The following MAPRE3 variants were observed in gnomAD, a reference collection of about 807,000 sequenced individuals.
MAPRE3 encodes microtubule-associated protein RP/EB family member 3.
In MAPRE3, 2 loss-of-function variants were observed where a neutral mutation model predicts 30.5. The observed-to-expected ratio is 0.07, with a 90% confidence interval of 0.03 to 0.21. The LOEUF (loss-of-function observed/expected upper bound fraction) is 0.21, where lower values mean the gene tolerates loss of function less well. MAPRE3 is among the 10% of genes least tolerant of loss of function. MAPRE3 has a pLI of 1.00. For synonymous variants in MAPRE3, 110 were observed against 127.7 expected (o/e 0.86, Z 0.93); for missense variants, 204 against 351.8 (o/e 0.58, Z 3.36).
intron 1 of MAPRE3, among the ~76,000 whole-genome samples, chr2:27,020,345 A>G (rs1667083669): frequency 6.6e-6 from 1 of 152,204 alleles, no homozygotes; most frequent in Non-Finnish European, 1.5e-5. Context: ...TTTCACAGAG[A>G]CACTTTACAT....
chr2:27,025,875 A>C lies in MAPRE3; in HGVS notation c.625-5A>C. The C allele has an allele frequency of 6.2e-7, 1 of 1,614,224 alleles. No homozygotes were observed. Among genetic ancestry groups the C allele is most frequent in the South Asian group, 1.1e-5 (1 of 91,090 alleles). ...TGGCTTGAACATCACTTTGTCCCCA[A>C]GCAGCTGGTGGACTTGAAGCTGACA... is the stretch of plus-strand genomic sequence containing the variant. On this transcript the variant is annotated splice_polypyrimidine_tract_variant and splice_region_variant and intron_variant, in intron 5 of 6. Transcript: ENST00000233121.
At chr2:26,995,241 TG>T (rs1421264661) in intron 1 of MAPRE3, among the ~76,000 whole-genome samples, 4 of 152,188 alleles carry the variant, frequency 2.6e-5, no homozygotes, top group African/African-American at 9.7e-5. Context: ...GCTCATAATT[TG>T]CCAGCCCCTG....
chr2:27,010,442 T>TC (rs1217437581), intron 1 of MAPRE3, among the ~76,000 whole-genome samples: 2 of 147,114 alleles, frequency 1.4e-5, no homozygotes, highest in African/African-American at 5.0e-5. Flanking sequence ...TGTATTTCTT[T>TC]TTTTTTTTTT....
intron 1 of MAPRE3, among the ~76,000 whole-genome samples, chr2:26,978,862 A>C (rs924970186): frequency 4.6e-5 from 7 of 152,244 alleles, no homozygotes; most frequent in Admixed American, 2.0e-4. Flanking sequence ...TGTGGAAGAC[A>C]AGATGGATAT....
intron 1 of MAPRE3, among the ~76,000 whole-genome samples, chr2:27,007,179 C>G (rs1402566160): frequency 6.6e-6 from 1 of 152,122 alleles, no homozygotes; most frequent in Non-Finnish European, 1.5e-5. Context: ...ACCAAAGGTT[C>G]GTCTATATCT....
At chr2:27,019,868 G>T (rs1463039024) in intron 1 of MAPRE3, among the ~76,000 whole-genome samples, 4 of 152,216 alleles carry the variant, frequency 2.6e-5, no homozygotes, top group Non-Finnish European at 2.9e-5. Context: ...TGTACTTGGG[G>T]TCAGGGGTGG....
In MAPRE3 at chr2:27,023,368, C is replaced by T. The variant is rs1361502324; in HGVS notation, c.158C>T (p.Pro53Leu). ...AYCQFMDMLF[P>L]GCVHLRKVKF... ...TGCCAGTTCATGGACATGCTCTTCCCCGGCTGTGTGCACTTGAGGAAAGTG... is the reference window on the plus strand; with the variant it reads ...TGCCAGTTCATGGACATGCTCTTCCTCGGCTGTGTGCACTTGAGGAAAGTG... The change falls in exon 3 of 7, where the codon CCC (proline) becomes CTC (leucine). Residue 53 changes from proline (P) to leucine (L), a missense_variant. This residue lies in a region of MAPRE3 where 101 missense variants were observed against 205.4 expected (regional missense o/e 0.49). Coordinates refer to ENST00000233121, the MANE Select transcript of MAPRE3 (RefSeq NM_012326.4). The T allele has an allele frequency of 6.2e-7, 1 of 1,611,384 alleles. No individual in the cohort carries two copies. The highest frequency in any genetic ancestry group is 1.3e-5 in the African/African-American group (1 of 75,004).
chr2:27,018,922 TA>T (rs1385472298), intron 1 of MAPRE3, among the ~76,000 whole-genome samples: 44 of 151,404 alleles, frequency 2.9e-4, no homozygotes, highest in African/African-American at 6.1e-4. Flanking sequence ...TTTATTTATT[TA>T]TTTATTTTTT....
chr2:27,023,699 C>G (rs926996257), intron 3 of MAPRE3: 4 of 567,768 alleles, frequency 7.0e-6, no homozygotes, highest in Non-Finnish European at 1.3e-5. Flanking sequence ...CCTTCCTCCT[C>G]TCTGGACCCT....
At chr2:27,000,541 C>A (rs1030453118) in intron 1 of MAPRE3, among the ~76,000 whole-genome samples, 1 of 152,192 alleles carries the variant, frequency 6.6e-6, no homozygotes, top group Admixed American at 6.5e-5. Context: ...AGGAAAATAA[C>A]TTGCCATTTT....
chr2:27,017,054 A>G (rs1667005057), intron 1 of MAPRE3, among the ~76,000 whole-genome samples: 1 of 152,178 alleles, frequency 6.6e-6, no homozygotes, highest in Non-Finnish European at 1.5e-5. Context: ...CCTGCTGGCC[A>G]TGTTTAGTTC....
chr2:26,997,413 G>A (rs891949396), intron 1 of MAPRE3, among the ~76,000 whole-genome samples: 1 of 151,978 alleles, frequency 6.6e-6, no homozygotes, highest in African/African-American at 2.4e-5. Context: ...TGTTATGTGT[G>A]GCCCAAGACA....
At chr2:26,990,873 G>T (rs1259279799) in intron 1 of MAPRE3, among the ~76,000 whole-genome samples, 2 of 152,194 alleles carry the variant, frequency 1.3e-5, no homozygotes, top group African/African-American at 4.8e-5. Context: ...GTGAGCTCCT[G>T]AATGGCAAGG....
Position 26,983,758 on chromosome 2 carries a change from A to T in MAPRE3, c.-8+12956A>T, listed in dbSNP as rs545909794. 7.6e-4 allele frequency among the ~76,000 whole-genome samples: 116 copies of T among 152,336 alleles called. 1 individual carries two copies. Among genetic ancestry groups the T allele is most frequent in the African/African-American group, 2.7e-3 (113 of 41,576 alleles). On this transcript the variant is annotated intron_variant, in intron 1 of 6. Coordinates refer to ENST00000233121, the MANE Select transcript of MAPRE3 (RefSeq NM_012326.4). ...AAAGCTCCCAGAGCTGTTAGCTAAA[A>T]GATCTTATATATTCCTTTCAGCTTG...
chr2:26,986,481 T>G lies in MAPRE3; in HGVS notation c.-8+15679T>G, dbSNP rs1469236445. On this transcript the variant is annotated intron_variant, in intron 1 of 6. Coordinates refer to ENST00000233121, the MANE Select transcript of MAPRE3 (RefSeq NM_012326.4). The surrounding 1 kb of genome is among the most constrained non-coding windows in gnomAD (Gnocchi z 4.2). Reference sequence around the variant, plus strand: ...AGCAGTATCAAAGGAAACACTTCTTTATACAGAAGTGGTATCCATGGAATG... The same window carrying G: ...AGCAGTATCAAAGGAAACACTTCTTGATACAGAAGTGGTATCCATGGAATG... 6.6e-6 allele frequency: 1 copy of G among 152,188 alleles called. No individual in the cohort carries two copies. The highest frequency in any genetic ancestry group is 1.9e-4 in the East Asian group (1 of 5,204). 9.4% of individuals were successfully genotyped at this position (152,188 alleles called of 1,614,324 possible). A position where few individuals can be genotyped will look rare whatever the true frequency, so the allele number is the denominator to read the frequency against.
intron 1 of MAPRE3, among the ~76,000 whole-genome samples, chr2:27,006,312 A>G (rs1415816406): frequency 6.6e-6 from 1 of 152,270 alleles, no homozygotes; most frequent in Non-Finnish European, 1.5e-5. Context: ...TTGATGTCTG[A>G]TAATTCCCAT....
intron 1 of MAPRE3, among the ~76,000 whole-genome samples, chr2:26,981,777 T>G (rs1394588074): frequency 6.6e-6 from 1 of 151,732 alleles, no homozygotes; most frequent in African/African-American, 2.4e-5. Flanking sequence ...CACAAAAGAG[T>G]GGCACCCAGC....
At chr2:26,991,478 T>C (rs1422519936) in intron 1 of MAPRE3, among the ~76,000 whole-genome samples, 1 of 152,184 alleles carries the variant, frequency 6.6e-6, no homozygotes, top group Non-Finnish European at 1.5e-5. Flanking sequence ...AGGACTTTGT[T>C]GGTGACAATT....
At chr2:26,976,453 G>A (rs1324687072) in intron 1 of MAPRE3, among the ~76,000 whole-genome samples, 1 of 152,186 alleles carries the variant, frequency 6.6e-6, no homozygotes, top group East Asian at 1.9e-4. Context: ...ACAATTTCGT[G>A]TGACAGTTAG....
Sources: allele counts gnomAD v4.1 joint callset (sites outside exome capture counted in the v4.1 genomes callset), GRCh38; gene constraint gnomAD v4.1.1; regional missense constraint gnomAD v4.1.1; non-coding constraint Gnocchi (gnomAD v3.1); transcripts MANE v1.5; gene names NCBI Gene and HGNC (gene_info 2026-07-23, HGNC 2026-07-21).